The following CHST11 variants were observed in gnomAD, a reference collection of about 807,000 sequenced individuals.
CHST11 encodes the protein carbohydrate sulfotransferase 11.
Under a neutral mutation model 30.4 loss-of-function variants are expected in CHST11, and 9 were observed. The ratio of observed to expected loss-of-function variants is 0.30; its 90% CI spans 0.18 to 0.52. The LOEUF (loss-of-function observed/expected upper bound fraction) is 0.52, where lower values mean the gene tolerates loss of function less well. Ranked by LOEUF, CHST11 falls within the 20% of genes least tolerant of loss-of-function variation. The probability of loss-of-function intolerance (pLI) is 0.97; values close to 1 mark genes in which losing one functional copy is unlikely to be tolerated. For missense variants in CHST11, 348 were observed against 460.6 expected (o/e 0.76, Z 2.24); for synonymous variants, 152 against 187.8 (o/e 0.81, Z 1.56).
chr12:104,549,135 G>C (rs2038380967), intron 1 of CHST11, among the ~76,000 whole-genome samples: 1 of 152,220 alleles, frequency 6.6e-6, no homozygotes, highest in Non-Finnish European at 1.5e-5. Context: ...GAAAACTGGA[G>C]CCTCCTGTGT....
At chr12:104,685,683 A>G (rs570190322) in intron 2 of CHST11, among the ~76,000 whole-genome samples, 10 of 152,186 alleles carry the variant, frequency 6.6e-5, no homozygotes, top group Non-Finnish European at 1.5e-4. Context: ...AATAAATGCT[A>G]TTAGGGACTA....
At chr12:104,720,657 G>T (rs2040168073) in intron 2 of CHST11, among the ~76,000 whole-genome samples, 1 of 152,098 alleles carries the variant, frequency 6.6e-6, no homozygotes. Flanking sequence ...ACAGACGTTT[G>T]GCCTTTGAGG....
intron 2 of CHST11, among the ~76,000 whole-genome samples, chr12:104,608,216 C>A (rs568895618): frequency 6.6e-6 from 1 of 152,222 alleles, no homozygotes; most frequent in South Asian, 2.1e-4. Flanking sequence ...GCCTTTGATT[C>A]TAAGATGACC....
chr12:104,467,535 A>G (rs1048330020), intron 1 of CHST11, among the ~76,000 whole-genome samples: 24 of 152,146 alleles, frequency 1.6e-4, no homozygotes, highest in African/African-American at 5.3e-4. Flanking sequence ...GCTTTAGATA[A>G]GCTGTATGGG....
intron 1 of CHST11, among the ~76,000 whole-genome samples, chr12:104,579,748 T>C (rs1403608187): frequency 2.0e-5 from 3 of 152,212 alleles, no homozygotes; most frequent in Non-Finnish European, 4.4e-5. Context: ...CCCGCTCTAA[T>C]TGTGTAGACC....
At chr12:104,709,719 G>A (rs949608358) in intron 2 of CHST11, among the ~76,000 whole-genome samples, 4 of 152,162 alleles carry the variant, frequency 2.6e-5, no homozygotes, top group African/African-American at 9.7e-5. Context: ...AGGCAAATCC[G>A]TGGAGACAGA....
chr12:104,468,408 T>C (rs1304229129), intron 1 of CHST11, among the ~76,000 whole-genome samples: 6 of 152,182 alleles, frequency 3.9e-5, no homozygotes, highest in Admixed American at 1.3e-4. Context: ...AACTGAAGCA[T>C]AGAGCATTAT....
intron 1 of CHST11, among the ~76,000 whole-genome samples, chr12:104,470,909 G>A (rs2037502741): frequency 6.6e-6 from 1 of 152,160 alleles, no homozygotes; most frequent in Non-Finnish European, 1.5e-5. Flanking sequence ...TTTCATAAAG[G>A]CCTTAAGCTC....
At chr12:104,459,542 G>A (rs1294448007) in intron 1 of CHST11, among the ~76,000 whole-genome samples, 2 of 152,222 alleles carry the variant, frequency 1.3e-5, no homozygotes. Flanking sequence ...AAATACAATT[G>A]TCATGGAATT....
intron 2 of CHST11, among the ~76,000 whole-genome samples, chr12:104,755,743 G>A (rs1161380250): frequency 6.6e-6 from 1 of 152,058 alleles, no homozygotes; most frequent in African/African-American, 2.4e-5. Context: ...CTGAGATCGC[G>A]CCACTGCATT....
chr12:104,522,237 A>G (rs1012671229), intron 1 of CHST11, among the ~76,000 whole-genome samples: 1 of 152,214 alleles, frequency 6.6e-6, no homozygotes, highest in Non-Finnish European at 1.5e-5. Flanking sequence ...CTAGAAATTC[A>G]AACATCCTTA....
intron 2 of CHST11, among the ~76,000 whole-genome samples, chr12:104,691,076 G>A (rs1049360062): frequency 1.4e-4 from 22 of 152,142 alleles, no homozygotes; most frequent in Non-Finnish European, 2.6e-4. Context: ...CTCTCACCAG[G>A]TCTGGGGTCA....
chr12:104,730,591 C>T (rs1192596596), intron 2 of CHST11, among the ~76,000 whole-genome samples: 1 of 152,016 alleles, frequency 6.6e-6, no homozygotes, highest in Non-Finnish European at 1.5e-5. Context: ...CGTGGCTGGC[C>T]CAGCGACGGG....
At chr12:104,734,929 C>G (rs75463746) in intron 2 of CHST11, among the ~76,000 whole-genome samples, 2 of 152,336 alleles carry the variant, frequency 1.3e-5, no homozygotes, top group African/African-American at 4.8e-5. Context: ...GTGTTGTTTA[C>G]GTGAACCCTG....
chr12:104,735,573 C>T (rs747794598), intron 2 of CHST11, among the ~76,000 whole-genome samples: 2 of 152,080 alleles, frequency 1.3e-5, no homozygotes, highest in Non-Finnish European at 2.9e-5. Context: ...GTCTGAAAGC[C>T]CCACAGTTAG....
At chr12:104,481,685 T>C (rs2037624248) in intron 1 of CHST11, among the ~76,000 whole-genome samples, 1 of 152,116 alleles carries the variant, frequency 6.6e-6, no homozygotes, top group Admixed American at 6.5e-5. Flanking sequence ...GATACCTAAA[T>C]GTCTCATCCA....
At chr12:104,591,436 T>A (rs1038047432) in intron 1 of CHST11, among the ~76,000 whole-genome samples, 5 of 151,914 alleles carry the variant, frequency 3.3e-5, no homozygotes, top group African/African-American at 1.2e-4. Context: ...AGAGACATGC[T>A]GATGGGTGGG....
intron 2 of CHST11, among the ~76,000 whole-genome samples, chr12:104,639,296 C>A (rs1003516473): frequency 6.6e-6 from 1 of 152,212 alleles, no homozygotes; most frequent in Non-Finnish European, 1.5e-5. Flanking sequence ...TTTAACACCA[C>A]TGGTCACAGC....
chr12:104,601,265 A>G (rs2038955044), intron 1 of CHST11, among the ~76,000 whole-genome samples: 1 of 152,238 alleles, frequency 6.6e-6, no homozygotes, highest in Non-Finnish European at 1.5e-5. Context: ...GGTGGCTTCA[A>G]TGTTGGTGGG....
Sources: allele counts gnomAD v4.1 joint callset (sites outside exome capture counted in the v4.1 genomes callset), GRCh38; gene constraint gnomAD v4.1.1; transcripts MANE v1.5; gene names NCBI Gene and HGNC (gene_info 2026-07-23, HGNC 2026-07-21).